The following ZNF277 variants were observed in gnomAD, a reference collection of about 807,000 sequenced individuals.
ZNF277 encodes the protein zinc finger protein 277.
In ZNF277, 55 loss-of-function variants were observed where a neutral mutation model predicts 60.7. That is an observed-to-expected ratio of 0.91 (90% CI 0.73 to 1.13). The LOEUF (loss-of-function observed/expected upper bound fraction) is 1.13, where lower values mean the gene tolerates loss of function less well. Among genes scored for constraint, ZNF277 ranks in the 50% most tolerant of loss-of-function variants. The pLI is 0.00. For synonymous variants in ZNF277, 178 were observed against 179.3 expected (o/e 0.99, Z 0.06); for missense variants, 510 against 523.0 (o/e 0.98, Z 0.24).
chr7:112,306,264 G>A (rs1312092204), intron 4 of ZNF277, among the ~76,000 whole-genome samples: 1 of 145,550 alleles, frequency 6.9e-6, no homozygotes, highest in African/African-American at 2.6e-5. Context: ...ACCTAGGCTG[G>A]AATGCAATGG....
intron 4 of ZNF277, among the ~76,000 whole-genome samples, 160 bp downstream of exon 4, chr7:112,296,471 A>G (rs1036621636): frequency 6.6e-6 from 1 of 151,840 alleles, no homozygotes; most frequent in Non-Finnish European, 1.5e-5. Flanking sequence ...AAAAAAAAGT[A>G]TACACTTGAC....
At chr7:112,304,945 G>C (rs1400672206) in intron 4 of ZNF277, among the ~76,000 whole-genome samples, 3 of 152,130 alleles carry the variant, frequency 2.0e-5, no homozygotes, top group Non-Finnish European at 4.4e-5. Context: ...ATGCCTCTCT[G>C]AGCCACTCTC....
At chr7:112,335,207 T>G (rs1480584346) in intron 7 of ZNF277, among the ~76,000 whole-genome samples, 7 of 152,190 alleles carry the variant, frequency 4.6e-5, no homozygotes, top group African/African-American at 1.7e-4. Flanking sequence ...AACAAAGCTA[T>G]CCATGCTTGT....
rs118037073 is a variant in ZNF277 at position 112,340,914 on chromosome 7, G to A, written c.1052G>A (p.Arg351Gln). 9.8e-5 allele frequency: 158 copies of A among 1,610,986 alleles called. No individual in the cohort carries two copies. Among genetic ancestry groups the A allele is most frequent in the South Asian group, 4.3e-4 (39 of 89,888 alleles). The change falls in exon 11 of 12, where the codon CGG (arginine) becomes CAG (glutamine). Residue 351 changes from arginine (R) to glutamine (Q), a missense_variant. Arg to Gln is a conservative substitution (Grantham distance 43). Transcript: ENST00000361822. ...CAAGTGAAACTGGTCAATTTTATTC[G>A]GAGGCAAGTTCACCAATGCAGATGT... Reference protein sequence around the residue: ...YQQVKLVNFIRRQVHQCRCYG... With the variant: ...YQQVKLVNFIQRQVHQCRCYG...
chr7:112,253,792 A>G (rs918988387), intron 1 of ZNF277, among the ~76,000 whole-genome samples: 5 of 152,196 alleles, frequency 3.3e-5, no homozygotes, highest in East Asian at 1.9e-4. Flanking sequence ...TCTATATATG[A>G]TCATCTCTTA....
At chr7:112,241,820 A>G (rs7790065) in intron 1 of ZNF277, among the ~76,000 whole-genome samples, 8,498 of 152,128 alleles carry the variant, frequency 0.056, 334 homozygotes, top group South Asian at 0.13. Context: ...ACTCATGAAG[A>G]TAGAGAATAG....
intron 2 of ZNF277, among the ~76,000 whole-genome samples, chr7:112,295,128 C>G (rs1440121735): frequency 6.6e-6 from 1 of 152,050 alleles, no homozygotes; most frequent in Non-Finnish European, 1.5e-5. Flanking sequence ...CTTCTTGGTA[C>G]CATTCAATAA....
At chr7:112,255,647 C>A (rs534550226) in intron 1 of ZNF277, among the ~76,000 whole-genome samples, 4 of 152,366 alleles carry the variant, frequency 2.6e-5, no homozygotes, top group African/African-American at 9.6e-5. Flanking sequence ...CTGCTACCCA[C>A]TGAAGCCTGA....
intron 2 of ZNF277, among the ~76,000 whole-genome samples, chr7:112,293,448 G>A (rs1013583591): frequency 2.0e-5 from 3 of 151,832 alleles, no homozygotes; most frequent in African/African-American, 7.3e-5. Flanking sequence ...GCATGGTGGT[G>A]CGTGCCTATA....
intron 11 of ZNF277, 90 bp from the exon 12 acceptor site, chr7:112,342,471 T>G: frequency 8.5e-7 from 1 of 1,178,502 alleles, no homozygotes; most frequent in South Asian, 2.3e-5. Context: ...CAAGGATACC[T>G]GACAAAATTA....
chr7:112,242,789 G>C (rs1385535339), intron 1 of ZNF277, among the ~76,000 whole-genome samples: 1 of 151,816 alleles, frequency 6.6e-6, no homozygotes, highest in East Asian at 1.9e-4. Context: ...AAATATCAAT[G>C]TCATTTTTCA....
intron 4 of ZNF277, among the ~76,000 whole-genome samples, chr7:112,297,830 C>T (rs774726676): frequency 6.6e-6 from 1 of 152,124 alleles, no homozygotes; most frequent in African/African-American, 2.4e-5. Context: ...CCTAGTAGTC[C>T]TAAGGATTTA....
intron 5 of ZNF277, among the ~76,000 whole-genome samples, chr7:112,320,413 C>T (rs1473745813): frequency 6.6e-6 from 1 of 152,030 alleles, no homozygotes; most frequent in Non-Finnish European, 1.5e-5. Flanking sequence ...TTATGAAAAG[C>T]TCAGCCTGTA....
chr7:112,281,644 C>T (rs939557515), intron 1 of ZNF277, among the ~76,000 whole-genome samples: 5 of 152,180 alleles, frequency 3.3e-5, no homozygotes, highest in Non-Finnish European at 5.9e-5. Flanking sequence ...TACGCACAAT[C>T]TCAGGCAGAG....
intron 2 of ZNF277, chr7:112,288,308 AT>A (rs1225981365): frequency 2.0e-5 from 3 of 152,142 alleles, no homozygotes; most frequent in Non-Finnish European, 4.4e-5. Context: ...TTCTGTCCTG[AT>A]TTCCCCATAA....
rs188825455 is a variant in ZNF277, at chr7:112,257,537, T to C, written c.92-29336T>C. ...TGGAATAGAAAATAAGATTAGATAA[T>C]GTCTAAAAACAACAGGTATTAGACT... is the stretch of plus-strand genomic sequence containing the variant. On this transcript the variant is annotated intron_variant, in intron 1 of 11. Transcript: ENST00000361822. Among the ~76,000 whole-genome samples the C allele has an allele frequency of 1.1e-3, 170 of 152,278 alleles. 1 individual carries two copies. The highest frequency in any genetic ancestry group is 2.4e-3 in the Admixed American group (36 of 15,290).
chr7:112,233,412 A>G (rs958211445), intron 1 of ZNF277, among the ~76,000 whole-genome samples: 3 of 152,212 alleles, frequency 2.0e-5, no homozygotes, highest in African/African-American at 4.8e-5. Flanking sequence ...TTAGCAAGTC[A>G]TATTTTTTGG....
Position 112,342,796 on chromosome 7 carries a change from G to C in ZNF277, c.*67G>C, listed in dbSNP as rs1793470966. Reference sequence around the variant, plus strand: ...TTTCATGTTTTTCTCCTATGAGACAGATATGAAAGAACAATTTAAATTTGA... The same window carrying C: ...TTTCATGTTTTTCTCCTATGAGACACATATGAAAGAACAATTTAAATTTGA... On this transcript the variant is annotated 3_prime_UTR_variant, in exon 12 of 12. Transcript: ENST00000361822. 1.6e-6 allele frequency: 2 copies of C among 1,244,810 alleles called. No individual in the cohort carries two copies. Among genetic ancestry groups the C allele is most frequent in the East Asian group, 5.5e-5 (2 of 36,298 alleles). 77.1% of individuals were successfully genotyped at this position (1,244,810 alleles called of 1,614,324 possible).
chr7:112,293,840 A>G (rs1435860200), intron 2 of ZNF277, among the ~76,000 whole-genome samples: 1 of 152,188 alleles, frequency 6.6e-6, no homozygotes, highest in Non-Finnish European at 1.5e-5. Context: ...GATAGTCCTC[A>G]ATGGAGTGGC....
Sources: allele counts gnomAD v4.1 joint callset (sites outside exome capture counted in the v4.1 genomes callset), GRCh38; gene constraint gnomAD v4.1.1; transcripts MANE v1.5; gene names NCBI Gene and HGNC (gene_info 2026-07-23, HGNC 2026-07-21).